BCAR3: variants seen among roughly 807,000 people sequenced by gnomAD.
BCAR3 encodes breast cancer anti-estrogen resistance protein 3.
BCAR3 carries 37 observed loss-of-function variants against 80.1 expected under a neutral mutation model. That is an observed-to-expected ratio of 0.46 (90% CI 0.36 to 0.61). The LOEUF (loss-of-function observed/expected upper bound fraction) is 0.61, where lower values mean the gene tolerates loss of function less well. BCAR3 is among the 20% of genes least tolerant of loss of function. The pLI is 0.00. For missense variants in BCAR3, 978 were observed against 1,068.2 expected, an observed-to-expected ratio of 0.92 and a Z score of 1.18; for synonymous variants, 389 against 418.9, an observed-to-expected ratio of 0.93 and a Z score of 0.87.
At chr1:93,652,626 A>G (rs1040031698) in intron 2 of BCAR3, among the ~76,000 whole-genome samples, 1 of 152,164 alleles carries the variant, frequency 6.6e-6, no homozygotes, top group Non-Finnish European at 1.5e-5. Context: ...TTGGCGATAT[A>G]AATGAAAAGG....
At chr1:93,620,982 C>T (rs1051431138) in intron 3 of BCAR3, among the ~76,000 whole-genome samples, 1 of 152,216 alleles carries the variant, frequency 6.6e-6, no homozygotes. Flanking sequence ...CCTATCTCCA[C>T]CTAGAAAGGC....
intron 3 of BCAR3, among the ~76,000 whole-genome samples, chr1:93,631,588 T>A (rs1675621730): frequency 6.6e-6 from 1 of 152,170 alleles, no homozygotes; most frequent in Non-Finnish European, 1.5e-5. Flanking sequence ...AAGTCCAATA[T>A]GGAGCTGAGT....
rs555168658 is a variant in BCAR3 at position 93,579,198 on chromosome 1, C to T, written c.1687-3069G>A. ...GCCCACATGGCTGGGAACAAGCACG[C>T]GGGGCCCAGATGCTAGCCAGAGCCT... On this transcript the variant is annotated intron_variant, in intron 7 of 11. Coordinates refer to ENST00000260502, the MANE Select transcript of BCAR3 (RefSeq NM_003567.4). Among the ~76,000 whole-genome samples, 12 of 152,270 alleles carry T rather than the reference C, an allele frequency of 7.9e-5. No homozygotes were observed. The Middle Eastern group carries it at 0.01, about 129-fold the overall frequency.
At chr1:93,810,332 C>A (rs28743165) in intron 2 of BCAR3, among the ~76,000 whole-genome samples, 21,480 of 152,104 alleles carry the variant, frequency 0.14, 2,473 homozygotes, top group African/African-American at 0.31. Flanking sequence ...CACACACACA[C>A]AAAAAGACTT....
intron 3 of BCAR3, among the ~76,000 whole-genome samples, chr1:93,696,343 G>C (rs532784996): frequency 6.6e-6 from 1 of 152,200 alleles, no homozygotes; most frequent in Admixed American, 6.5e-5. Context: ...TCCAGCTATT[G>C]CCCAAGCTGG....
At chr1:93,687,762 G>C (rs1649026793) in intron 3 of BCAR3, among the ~76,000 whole-genome samples, 1 of 152,208 alleles carries the variant, frequency 6.6e-6, no homozygotes, top group South Asian at 2.1e-4. Flanking sequence ...AATTGGTTGA[G>C]TCCCATCCCG....
rs1570931784 is a variant in BCAR3, at chr1:93,583,455, T to C, written c.1034-502A>G. 2.6e-5 allele frequency among the ~76,000 whole-genome samples: 4 copies of C among 152,098 alleles called. 1 individual carries two copies. The highest frequency in any genetic ancestry group is 4.1e-4 in the South Asian group (2 of 4,828). On this transcript the variant is annotated intron_variant, in intron 6 of 11. Coordinates refer to ENST00000260502, the MANE Select transcript of BCAR3 (RefSeq NM_003567.4). The stretch of plus-strand genomic sequence containing the variant: ...ACGCAGGGGCATTAGGAAAATCCCT[T>C]TGTGGTCCCAGGGAAAGTCAGTTAT...
intron 8 of BCAR3, among the ~76,000 whole-genome samples, chr1:93,575,528 C>T (rs576103895): frequency 6.6e-6 from 1 of 152,316 alleles, no homozygotes; most frequent in South Asian, 2.1e-4. Flanking sequence ...ACCTCTGACC[C>T]TATTTGTCCA....
chr1:93,594,093 G>A (rs1394009061), intron 3 of BCAR3, among the ~76,000 whole-genome samples: 2 of 152,170 alleles, frequency 1.3e-5, no homozygotes, highest in Admixed American at 6.5e-5. Context: ...ACTCGGCCAC[G>A]CTTTATTGTT....
chr1:93,577,443 C>T (rs1673503171), intron 7 of BCAR3, among the ~76,000 whole-genome samples: 1 of 152,112 alleles, frequency 6.6e-6, no homozygotes, highest in Non-Finnish European at 1.5e-5. Context: ...TAGTGGTAGA[C>T]GCCACGACAG....
intron 2 of BCAR3, among the ~76,000 whole-genome samples, chr1:93,733,803 C>G (rs189174433): frequency 6.6e-6 from 1 of 152,300 alleles, no homozygotes; most frequent in East Asian, 1.9e-4. Context: ...TTCTCAGAGC[C>G]CTTGGCCTGT....
At chr1:93,584,235 G>GA (rs1673849607) in intron 5 of BCAR3, 114 bp from the exon 6 acceptor site, 1 of 868,720 alleles carries the variant, frequency 1.2e-6, no homozygotes, top group African/African-American at 1.7e-5. Flanking sequence ...TGCTCAGAAC[G>GA]AGAGTGCTAC....
rs1478911352 is a variant in BCAR3, at chr1:93,586,920, G to A, written c.929+2057C>T. Among the ~76,000 whole-genome samples the A allele has an allele frequency of 2.6e-5, 4 of 152,098 alleles. No homozygotes were observed. Among genetic ancestry groups the A allele is most frequent in the South Asian group, 2.1e-4 (1 of 4,816 alleles). On this transcript the variant is annotated intron_variant, in intron 5 of 11. Transcript: ENST00000260502. This position sits in a 1 kb window ranked among gnomAD's most constrained non-coding sequence, Gnocchi z 4.2. ...CTCCCTAGTAGCTGGGACTACAGGC[G>A]TGCACCACCACACCTGGTTAATTTT...
intron 2 of BCAR3, among the ~76,000 whole-genome samples, chr1:93,645,578 C>T (rs1014179102): frequency 4.6e-5 from 7 of 150,992 alleles, no homozygotes; most frequent in African/African-American, 1.7e-4. Context: ...TTTTTTCTTG[C>T]AAGCCAGTGA....
At chr1:93,642,641 G>C (rs1176405332) in intron 2 of BCAR3, among the ~76,000 whole-genome samples, 4 of 152,232 alleles carry the variant, frequency 2.6e-5, no homozygotes, top group Non-Finnish European at 5.9e-5. Context: ...ATAGAGCTCA[G>C]GGGAGGGCAG....
intron 3 of BCAR3, among the ~76,000 whole-genome samples, chr1:93,638,675 T>C (rs1675879319): frequency 6.6e-6 from 1 of 152,158 alleles, no homozygotes; most frequent in Admixed American, 6.5e-5. Context: ...ACTAGCTACA[T>C]GGTAAACAGC....
At chr1:93,807,643 G>A (rs1387818692) in intron 2 of BCAR3, among the ~76,000 whole-genome samples, 6 of 152,176 alleles carry the variant, frequency 3.9e-5, no homozygotes, top group Non-Finnish European at 8.8e-5. Flanking sequence ...ATGACTCCCT[G>A]TTTCTTCTCT....
chr1:93,698,771 T>C (rs1649523924), intron 3 of BCAR3, among the ~76,000 whole-genome samples: 1 of 152,240 alleles, frequency 6.6e-6, no homozygotes, highest in Non-Finnish European at 1.5e-5. Flanking sequence ...TGTGGCCTAA[T>C]GTCAGGTGAA....
At chr1:93,781,677 C>A (rs1652765712) in intron 2 of BCAR3, among the ~76,000 whole-genome samples, 1 of 152,114 alleles carries the variant, frequency 6.6e-6, no homozygotes. Context: ...AGTTCTCAGC[C>A]ATTATAATGC....
Sources: allele counts gnomAD v4.1 joint callset (sites outside exome capture counted in the v4.1 genomes callset), GRCh38; gene constraint gnomAD v4.1.1; non-coding constraint Gnocchi (gnomAD v3.1); transcripts MANE v1.5; gene names NCBI Gene and HGNC (gene_info 2026-07-23, HGNC 2026-07-21).